ZFAND3: variants seen among roughly 807,000 people sequenced by gnomAD.
The protein encoded by ZFAND3 is zinc finger AN1-type containing 3, also known as AN1-type zinc finger protein 3.
Under a neutral mutation model 29.6 loss-of-function variants are expected in ZFAND3, and 10 were observed. The observed-to-expected ratio is 0.34, with a 90% CI of 0.21 to 0.57. ZFAND3 has a LOEUF of 0.57. Among genes scored for constraint, ZFAND3 ranks in the 20% least tolerant of loss-of-function variants. ZFAND3 has a pLI of 0.86. For synonymous variants in ZFAND3, 128 were observed against 112.6 expected (o/e 1.14, Z -0.87); for missense variants, 230 against 304.5 (o/e 0.76, Z 1.82).
intron 1 of ZFAND3, among the ~76,000 whole-genome samples, chr6:37,850,778 G>A (rs963999140): frequency 2.6e-5 from 4 of 152,130 alleles, no homozygotes; most frequent in African/African-American, 9.7e-5. Context: ...ATAGTTAACG[G>A]AGGCAGCGAT....
chr6:37,859,862 GTTT>G (rs55850662), intron 1 of ZFAND3, among the ~76,000 whole-genome samples: 5 of 133,310 alleles, frequency 3.8e-5, no homozygotes, highest in African/African-American at 1.1e-4. Context: ...GCTGGAGTGG[GTTT>G]TTTTTTTTTT....
At chr6:38,072,248 C>T (rs963361682) in intron 3 of ZFAND3, among the ~76,000 whole-genome samples, 3 of 152,124 alleles carry the variant, frequency 2.0e-5, no homozygotes, top group Non-Finnish European at 4.4e-5. Context: ...ACCTAAATTT[C>T]CCTCTTGAAG....
At chr6:37,914,023 C>T (rs1158631969) in intron 1 of ZFAND3, among the ~76,000 whole-genome samples, 3 of 152,078 alleles carry the variant, frequency 2.0e-5, no homozygotes, top group African/African-American at 7.2e-5. Context: ...CTGCACCTGG[C>T]TGGCAGCTAT....
intron 2 of ZFAND3, among the ~76,000 whole-genome samples, chr6:37,931,708 G>C (rs1283797279): frequency 6.6e-6 from 1 of 152,130 alleles, no homozygotes; most frequent in Non-Finnish European, 1.5e-5. Flanking sequence ...GCTCAGAGGA[G>C]GCTGGCTAGA....
intron 2 of ZFAND3, among the ~76,000 whole-genome samples, chr6:37,957,929 G>A (rs1415460139): frequency 6.6e-6 from 1 of 152,130 alleles, no homozygotes; most frequent in African/African-American, 2.4e-5. Flanking sequence ...TCTATGATTT[G>A]TTTGACTATA....
chr6:38,146,739 G>A (rs1467981536), intron 5 of ZFAND3, among the ~76,000 whole-genome samples: 1 of 152,090 alleles, frequency 6.6e-6, no homozygotes, highest in African/African-American at 2.4e-5. Flanking sequence ...TCTCTTTTTG[G>A]GGGGTGAGCA....
chr6:37,926,402 C>T (rs1467992130), intron 1 of ZFAND3, among the ~76,000 whole-genome samples: 1 of 152,180 alleles, frequency 6.6e-6, no homozygotes, highest in African/African-American at 2.4e-5. Flanking sequence ...GGGGCTGCCC[C>T]AGCATTCCTG....
intron 1 of ZFAND3, among the ~76,000 whole-genome samples, chr6:37,864,052 C>G (rs1764541255): frequency 1.3e-5 from 2 of 152,112 alleles, no homozygotes; most frequent in Admixed American, 1.3e-4. Context: ...GTTTGCAACT[C>G]AAAATTTGTG....
At chr6:37,854,795 G>C (rs1215564339) in intron 1 of ZFAND3, among the ~76,000 whole-genome samples, 2 of 136,308 alleles carry the variant, frequency 1.5e-5, no homozygotes, top group Non-Finnish European at 3.0e-5. Flanking sequence ...TAAGAAGTAG[G>C]CTGACCTGAA....
chr6:38,016,233 G>A (rs572174396), intron 2 of ZFAND3, among the ~76,000 whole-genome samples: 2 of 152,270 alleles, frequency 1.3e-5, no homozygotes, highest in East Asian at 3.9e-4. Context: ...TTACCTCTTA[G>A]AGGTGGGTTG....
At chr6:37,959,423 AAC>A (rs1762156485) in intron 2 of ZFAND3, among the ~76,000 whole-genome samples, 1 of 152,224 alleles carries the variant, frequency 6.6e-6, no homozygotes, top group African/African-American at 2.4e-5. Flanking sequence ...TATGTAAATG[AAC>A]AGTGTCAAGA....
At chr6:38,080,228 C>G (rs987112561) in intron 3 of ZFAND3, among the ~76,000 whole-genome samples, 1 of 151,924 alleles carries the variant, frequency 6.6e-6, no homozygotes, top group South Asian at 2.1e-4. Context: ...ATGGGTGCAG[C>G]AAACCACCGT....
chr6:37,992,187 G>A (rs1461991703), intron 2 of ZFAND3, among the ~76,000 whole-genome samples: 1 of 152,112 alleles, frequency 6.6e-6, no homozygotes, highest in Non-Finnish European at 1.5e-5. Flanking sequence ...TTTTGAATTT[G>A]TATTTCTAGG....
intron 1 of ZFAND3, among the ~76,000 whole-genome samples, chr6:37,894,553 G>A (rs1231637561): frequency 6.6e-6 from 1 of 151,852 alleles, no homozygotes; most frequent in Non-Finnish European, 1.5e-5. Context: ...TAAATTTTTT[G>A]TAGAGACAGA....
At chr6:37,845,661 C>A (rs150288712) in intron 1 of ZFAND3, among the ~76,000 whole-genome samples, 1 of 152,166 alleles carries the variant, frequency 6.6e-6, no homozygotes, top group African/African-American at 2.4e-5. Context: ...AGTAGAGCAG[C>A]GTATGCCAGT....
chr6:38,005,391 T>C (rs1312801733), intron 2 of ZFAND3, among the ~76,000 whole-genome samples: 1 of 152,210 alleles, frequency 6.6e-6, no homozygotes, highest in Non-Finnish European at 1.5e-5. Flanking sequence ...ATCTTATTTA[T>C]AGTGCCAGTA....
intron 5 of ZFAND3, among the ~76,000 whole-genome samples, chr6:38,144,198 T>TAATATATAATATATATATA (rs1554183953): frequency 2.5e-5 from 1 of 40,260 alleles, no homozygotes; most frequent in African/African-American, 1.4e-4. Flanking sequence ...TATATATATA[T>TAATATATAATATATATATA]ATATATATAT....
At chr6:37,930,543 G>A (rs1050259958) in intron 2 of ZFAND3, among the ~76,000 whole-genome samples, 2 of 152,002 alleles carry the variant, frequency 1.3e-5, no homozygotes, top group Non-Finnish European at 2.9e-5. Flanking sequence ...AAAACAAAAA[G>A]CCTCCTGCAG....
At chr6:37,909,794 G>A (rs1178266687) in intron 1 of ZFAND3, among the ~76,000 whole-genome samples, 1 of 151,978 alleles carries the variant, frequency 6.6e-6, no homozygotes, top group African/African-American at 2.4e-5. Flanking sequence ...TGGGAAAAGA[G>A]AATACAGCAT....
Sources: allele counts gnomAD v4.1 joint callset (sites outside exome capture counted in the v4.1 genomes callset), GRCh38; gene constraint gnomAD v4.1.1; transcripts MANE v1.5; gene names NCBI Gene and HGNC (gene_info 2026-07-23, HGNC 2026-07-21).